The following NELL1 variants were observed in gnomAD, a reference collection of about 807,000 sequenced individuals.
NELL1 encodes protein kinase C-binding protein NELL1.
In NELL1, 76 loss-of-function variants were observed where a neutral mutation model predicts 107.4. The observed-to-expected ratio is 0.71, with a 90% CI of 0.59 to 0.86. The LOEUF is 0.86. Ranked by LOEUF, NELL1 falls within the 40% of genes least tolerant of loss-of-function variation. NELL1 has a pLI of 0.00. For synonymous variants in NELL1, 353 were observed against 341.2 expected, an observed-to-expected ratio of 1.03 and a Z score of -0.38; for missense variants, 1,024 against 1,005.5, an observed-to-expected ratio of 1.02 and a Z score of -0.25.
intron 2 of NELL1, among the ~76,000 whole-genome samples, chr11:20,751,769 C>T (rs1435654008): frequency 2.0e-5 from 3 of 152,206 alleles, no homozygotes; most frequent in South Asian, 2.1e-4. Context: ...GGATTACAGA[C>T]GTTAATCACC....
At chr11:21,407,827 C>G (rs1448803648) in intron 15 of NELL1, among the ~76,000 whole-genome samples, 4 of 151,578 alleles carry the variant, frequency 2.6e-5, no homozygotes, top group Non-Finnish European at 5.9e-5. Context: ...TCTACAGTAT[C>G]CTTTATCTAA....
At chr11:20,718,534 AGTACTGG>A (rs1337033764) in intron 2 of NELL1, among the ~76,000 whole-genome samples, 2 of 152,046 alleles carry the variant, frequency 1.3e-5, no homozygotes, top group African/African-American at 4.8e-5. Flanking sequence ...TGCTAGGCAC[AGTACTGG>A]GTACTGGGAT....
intron 2 of NELL1, among the ~76,000 whole-genome samples, chr11:20,692,908 T>C (rs1854508802): frequency 6.6e-6 from 1 of 152,190 alleles, no homozygotes. Context: ...CCATTATTAA[T>C]GCGTGGGAGT....
intron 13 of NELL1, among the ~76,000 whole-genome samples, chr11:21,186,399 T>C (rs1478126178): frequency 6.6e-6 from 1 of 151,934 alleles, no homozygotes; most frequent in Non-Finnish European, 1.5e-5. Context: ...ATTCTCTCTA[T>C]CTACTTGTTT....
At chr11:21,502,351 CA>C (rs1398478088) in intron 15 of NELL1, among the ~76,000 whole-genome samples, 1 of 152,106 alleles carries the variant, frequency 6.6e-6, no homozygotes, top group Non-Finnish European at 1.5e-5. Flanking sequence ...TTTCTGGCTC[CA>C]AAACCCGTGA....
At chr11:20,700,900 A>G (rs191889823) in intron 2 of NELL1, among the ~76,000 whole-genome samples, 35 of 152,226 alleles carry the variant, frequency 2.3e-4, no homozygotes, top group Admixed American at 5.9e-4. Context: ...TCTTAACCCA[A>G]TCTATCACTG....
chr11:21,193,753 G>T (rs773612274), intron 13 of NELL1, among the ~76,000 whole-genome samples: 1 of 151,800 alleles, frequency 6.6e-6, no homozygotes, highest in Non-Finnish European at 1.5e-5. Context: ...GAGTGACAGG[G>T]ATAAAAAGAA....
intron 13 of NELL1, among the ~76,000 whole-genome samples, chr11:21,127,589 A>G (rs1855514230): frequency 6.6e-6 from 1 of 151,942 alleles, no homozygotes. Flanking sequence ...GAAGAGGAAG[A>G]GGAGGAAGAG....
At chr11:21,172,908 A>G (rs1856636157) in intron 13 of NELL1, among the ~76,000 whole-genome samples, 2 of 141,750 alleles carry the variant, frequency 1.4e-5, no homozygotes, top group East Asian at 4.0e-4. Context: ...ACTCTTTGGC[A>G]GGTGTGTGTC....
intron 15 of NELL1, among the ~76,000 whole-genome samples, chr11:21,373,919 T>C (rs1851410560): frequency 6.6e-6 from 1 of 152,066 alleles, no homozygotes; most frequent in Non-Finnish European, 1.5e-5. Context: ...GTTTTGCCAC[T>C]CTTAGGATGG....
intron 15 of NELL1, among the ~76,000 whole-genome samples, chr11:21,432,824 C>T (rs780168211): frequency 2.0e-5 from 3 of 152,108 alleles, no homozygotes; most frequent in Non-Finnish European, 4.4e-5. Context: ...GGGTAATTAG[C>T]ATATCCATGA....
chr11:20,910,651 A>T (rs1850108837), intron 5 of NELL1, among the ~76,000 whole-genome samples: 2 of 152,168 alleles, frequency 1.3e-5, no homozygotes, highest in Non-Finnish European at 2.9e-5. Flanking sequence ...CAAATTATGT[A>T]GCAGGTTCTA....
At chr11:20,789,545 C>T (rs1448059153) in intron 3 of NELL1, among the ~76,000 whole-genome samples, 1 of 152,244 alleles carries the variant, frequency 6.6e-6, no homozygotes, top group Non-Finnish European at 1.5e-5. Flanking sequence ...TCTCTTCTCT[C>T]CTCTTTGCCC....
intron 14 of NELL1, among the ~76,000 whole-genome samples, chr11:21,331,403 G>A (rs1419636385): frequency 6.6e-6 from 1 of 151,792 alleles, no homozygotes; most frequent in Non-Finnish European, 1.5e-5. Flanking sequence ...TAGTGACTTG[G>A]CTGAATAAAT....
At chr11:20,737,381 AT>A (rs1226234662) in intron 2 of NELL1, among the ~76,000 whole-genome samples, 3 of 152,168 alleles carry the variant, frequency 2.0e-5, no homozygotes, top group African/African-American at 7.2e-5. Context: ...AAGGGCTCCC[AT>A]TGGTCAATGT....
chr11:20,703,107 A>C (rs749185136), intron 2 of NELL1, among the ~76,000 whole-genome samples: 2 of 152,148 alleles, frequency 1.3e-5, no homozygotes, highest in Non-Finnish European at 2.9e-5. Flanking sequence ...CCTCTGTTAG[A>C]ATTCAGCTGT....
intron 13 of NELL1, among the ~76,000 whole-genome samples, chr11:21,146,937 G>A (rs1855994414): frequency 6.6e-6 from 1 of 152,118 alleles, no homozygotes; most frequent in Admixed American, 6.5e-5. Context: ...CCAGCCACTT[G>A]GGAGGCTGAG....
chr11:21,500,414 T>C (rs1387274407), intron 15 of NELL1, among the ~76,000 whole-genome samples: 7 of 152,164 alleles, frequency 4.6e-5, no homozygotes, highest in African/African-American at 1.4e-4. Context: ...TTATGAGATC[T>C]AATGATTATG....
At chr11:21,307,181 C>T (rs1849623694) in intron 14 of NELL1, among the ~76,000 whole-genome samples, 1 of 151,880 alleles carries the variant, frequency 6.6e-6, no homozygotes, top group Non-Finnish European at 1.5e-5. Flanking sequence ...TTGCAGGTGT[C>T]ATGGCTGTCA....
Sources: gnomAD v4.1 joint callset for allele counts (sites outside exome capture counted in the v4.1 genomes callset) on GRCh38, gnomAD v4.1.1 for gene constraint, MANE v1.5 for transcripts, NCBI Gene and HGNC (gene_info 2026-07-23, HGNC 2026-07-21) for gene names.